Variants in PCDHGA12 observed in about 807,000 individuals in gnomAD.
PCDHGA12 encodes the protein protocadherin gamma-A12.
PCDHGA12 carries 43 observed loss-of-function variants against 61.1 expected under a neutral mutation model. That is an observed-to-expected ratio of 0.70 (90% CI 0.55 to 0.91). PCDHGA12 has a LOEUF of 0.91. Ranked by LOEUF, PCDHGA12 falls within the 40% of genes least tolerant of loss-of-function variation. The pLI is 0.00. For missense variants in PCDHGA12, 1,236 were observed against 1,227.7 expected, an observed-to-expected ratio of 1.01 and a Z score of -0.10; for synonymous variants, 520 against 542.9, an observed-to-expected ratio of 0.96 and a Z score of 0.59.
rs761264372 is a variant in PCDHGA12 at position 141,489,500 on chromosome 5, A to G, written c.2425-5307A>G. 12 of 1,614,112 alleles carry G rather than the reference A, an allele frequency of 7.4e-6. No individual in the cohort carries two copies. In the South Asian group the frequency reaches 1.3e-4, roughly 18 times the overall value. On this transcript the variant is annotated intron_variant, in intron 1 of 3. Coordinates refer to ENST00000252085, the MANE Select transcript of PCDHGA12 (RefSeq NM_003735.3). This position sits in a 1 kb window ranked among gnomAD's most constrained non-coding sequence, Gnocchi z 4.5. ...TTGATGAGTGGTGCCCTGGCAGTGA[A>G]TCAAAAGATTGACCGAGAAAGCCTA...
Position 141,477,917 on chromosome 5 carries a change from G to C in PCDHGA12, c.2425-16890G>C. 6.2e-7 allele frequency: 1 copy of C among 1,614,186 alleles called. No individual in the cohort carries two copies. The highest frequency in any genetic ancestry group is 2.2e-5 in the East Asian group (1 of 44,868). On this transcript the variant is annotated intron_variant, in intron 1 of 3. Transcript: ENST00000252085. The surrounding 1 kb of genome is among the most constrained non-coding windows in gnomAD (Gnocchi z 4.9). ...GGTGGTAGGCTGGGACGCGGATGCA[G>C]GGCACAATGCCTGGCTCTCCTACAG...
intron 3 of PCDHGA12, among the ~76,000 whole-genome samples, chr5:141,509,320 C>A (rs1261653347): frequency 6.6e-6 from 1 of 152,194 alleles, no homozygotes; most frequent in Non-Finnish European, 1.5e-5. Flanking sequence ...GGGAGAGAAG[C>A]TCTACTGCCA....
chr5:141,482,740 G>A (rs1288861437), intron 1 of PCDHGA12, among the ~76,000 whole-genome samples: 1 of 127,398 alleles, frequency 7.8e-6, no homozygotes, highest in African/African-American at 3.6e-5. Context: ...GAAATTCCAT[G>A]CAGAGGGATT....
In PCDHGA12 at chr5:141,476,762, G is replaced by A. The variant is rs1338892879; in HGVS notation, c.2425-18045G>A. The A allele has an allele frequency of 6.2e-7, 1 of 1,613,848 alleles. No individual in the cohort carries two copies. ...GCCTAGTCTCCAGTTAGTGCTGACG[G>A]CGTTGGACGGAGGGACCCCAGCTCT... On this transcript the variant is annotated intron_variant, in intron 1 of 3. Coordinates refer to ENST00000252085, the MANE Select transcript of PCDHGA12 (RefSeq NM_003735.3). The surrounding 1 kb of genome is among the most constrained non-coding windows in gnomAD (Gnocchi z 7.6).
chr5:141,432,084 T>A lies in PCDHGA12; in HGVS notation c.1325T>A (p.Val442Glu), dbSNP rs1372151428. 1.2e-6 allele frequency: 2 copies of A among 1,614,186 alleles called. No individual in the cohort carries two copies. Among genetic ancestry groups the A allele is most frequent in the Admixed American group, 1.7e-5 (1 of 60,022 alleles). Residue 442 changes from valine to glutamate, a missense_variant, in exon 1 of 4, where the codon GTG (valine) becomes GAG (glutamate). By Grantham distance (121) the Val-to-Glu change is moderately radical. Transcript: ENST00000252085. This position sits in a 1 kb window ranked among gnomAD's most constrained non-coding sequence, Gnocchi z 6.0. ...LSTETHISLN[V>E]ADTNDNPPVF... Reference sequence around the variant, plus strand: ...ACGGAAACTCATATCTCGCTGAACGTGGCAGACACCAACGACAACCCGCCG... The same window carrying A: ...ACGGAAACTCATATCTCGCTGAACGAGGCAGACACCAACGACAACCCGCCG...
intron 3 of PCDHGA12, among the ~76,000 whole-genome samples, chr5:141,509,164 C>A (rs1454864362): frequency 6.6e-6 from 1 of 152,188 alleles, no homozygotes; most frequent in Non-Finnish European, 1.5e-5. Context: ...TCCCGTGTGC[C>A]CTCCTCCTCT....
intron 1 of PCDHGA12, chr5:141,475,850 G>A (rs2099376325): frequency 1.9e-5 from 9 of 464,524 alleles, no homozygotes; most frequent in Middle Eastern, 5.9e-4. Context: ...AGAGAGCCCG[G>A]CGCTAGCTCA....
intron 1 of PCDHGA12, among the ~76,000 whole-genome samples, chr5:141,455,250 A>C (rs1016027355): frequency 2.0e-5 from 3 of 152,172 alleles, no homozygotes; most frequent in Non-Finnish European, 2.9e-5. Flanking sequence ...GTCATAGTAC[A>C]ATCGCATTTC....
At position 141,511,575 on chromosome 5, in the gene PCDHGA12, T is replaced by C. The variant is rs930675653; in HGVS notation, c.*402T>C. On this transcript the variant is annotated 3_prime_UTR_variant, in exon 4 of 4. Transcript: ENST00000252085. ...AGTTCCTCTTTCCCGAGTAAGGTGG[T>C]TGGGGTGTTGAAGTACCAAGTAACC... 28 of 287,258 alleles carry C rather than the reference T, an allele frequency of 9.7e-5. No individual in the cohort carries two copies. Among genetic ancestry groups the C allele is most frequent in the Middle Eastern group, 1.3e-3 (1 of 784 alleles). The allele number at this position is 287,258 out of a possible 1,614,324, so 17.8% of individuals were successfully genotyped here.
chr5:141,486,707 C>A lies in PCDHGA12; in HGVS notation c.2425-8100C>A, dbSNP rs1314530265. On this transcript the variant is annotated intron_variant, in intron 1 of 3. Coordinates refer to ENST00000252085, the MANE Select transcript of PCDHGA12 (RefSeq NM_003735.3). The surrounding 1 kb of genome is among the most constrained non-coding windows in gnomAD (Gnocchi z 5.0). ...AGCTTCCTCTTTCATCTCTCTGAAC[C>A]CCCAGACAGGAGCTGTTCATGCTAC... 2 of 1,614,040 alleles carry A rather than the reference C, an allele frequency of 1.2e-6. No individual in the cohort carries two copies. The highest frequency in any genetic ancestry group is 1.7e-6 in the Non-Finnish European group (2 of 1,180,038).
Position 141,492,511 on chromosome 5 carries a change from C to T in PCDHGA12, c.2425-2296C>T, listed in dbSNP as rs58889912. Among the ~76,000 whole-genome samples the T allele has an allele frequency of 1.7e-3, 262 of 152,326 alleles. 2 individuals are homozygous for T. The highest frequency in any genetic ancestry group is 6.0e-3 in the African/African-American group (249 of 41,582). On this transcript the variant is annotated intron_variant, in intron 1 of 3. Coordinates refer to ENST00000252085, the MANE Select transcript of PCDHGA12 (RefSeq NM_003735.3). Reference sequence around the variant, plus strand: ...CCAGGCGAGGACTCCGGAGCCTCCTCTCACCTCTCCCACCTGCGCCCCGGG... The same window carrying T: ...CCAGGCGAGGACTCCGGAGCCTCCTTTCACCTCTCCCACCTGCGCCCCGGG...
At chr5:141,435,112 T>A (rs906494104) in intron 1 of PCDHGA12, among the ~76,000 whole-genome samples, 1 of 152,102 alleles carries the variant, frequency 6.6e-6, no homozygotes, top group Non-Finnish European at 1.5e-5. Context: ...GGGGGAGAAA[T>A]CTAATTCAAT....
intron 1 of PCDHGA12, among the ~76,000 whole-genome samples, chr5:141,458,726 C>T (rs1301761231): frequency 1.3e-5 from 2 of 151,992 alleles, no homozygotes; most frequent in African/African-American, 4.8e-5. Flanking sequence ...TTCGCCACCA[C>T]ATCCAGCTAT....
chr5:141,487,068 T>C lies in PCDHGA12; in HGVS notation c.2425-7739T>C. ...TATGCTGGGGAGGTGCGGACGGCTG[T>C]TCCTATCCCAGCTGACCTCCCACCA... On this transcript the variant is annotated intron_variant, in intron 1 of 3. Transcript: ENST00000252085. The surrounding 1 kb of genome is among the most constrained non-coding windows in gnomAD (Gnocchi z 5.0). The C allele has an allele frequency of 6.2e-7, 1 of 1,614,166 alleles. No individual in the cohort carries two copies. The highest frequency in any genetic ancestry group is 8.5e-7 in the Non-Finnish European group (1 of 1,180,016).
intron 1 of PCDHGA12, among the ~76,000 whole-genome samples, chr5:141,492,103 T>G (rs1458656062): frequency 6.6e-6 from 1 of 152,134 alleles, no homozygotes; most frequent in Non-Finnish European, 1.5e-5. Flanking sequence ...GTCTGTAGAT[T>G]TCCTCTTCGA....
At position 141,470,874 on chromosome 5, in the gene PCDHGA12, T is replaced by G. The variant is rs146599745; in HGVS notation, c.2425-23933T>G. ...AGATAAGTTTTTTGTTTGTTTGTTT[T>G]TTTGTTTTTGTTTTTGTTTTTTGTA... On this transcript the variant is annotated intron_variant, in intron 1 of 3. Coordinates refer to ENST00000252085, the MANE Select transcript of PCDHGA12 (RefSeq NM_003735.3). 1.4e-3 allele frequency among the ~76,000 whole-genome samples: 218 copies of G among 151,820 alleles called. 1 individual carries two copies. Among genetic ancestry groups the G allele is most frequent in the Middle Eastern group, 0.01 (3 of 294 alleles).
chr5:141,506,847 T>C lies in PCDHGA12; in HGVS notation c.2572+1366T>C, dbSNP rs146737657. ...GAACTGATAGCCCTGCCCTCCAGCA[T>C]GTCTGGAGGACTGGTGGGTAGAGAA... On this transcript the variant is annotated intron_variant, in intron 3 of 3. Coordinates refer to ENST00000252085, the MANE Select transcript of PCDHGA12 (RefSeq NM_003735.3). 3.7e-3 allele frequency among the ~76,000 whole-genome samples: 564 copies of C among 152,318 alleles called. 5 individuals are homozygous for C. Among genetic ancestry groups the C allele is most frequent in the Admixed American group, 0.011 (164 of 15,302 alleles).
At chr5:141,460,159 T>A (rs1313260289) in intron 1 of PCDHGA12, among the ~76,000 whole-genome samples, 3 of 152,260 alleles carry the variant, frequency 2.0e-5, no homozygotes, top group Non-Finnish European at 1.5e-5. Context: ...CTTTGTCACA[T>A]ACATATTTTG....
intron 1 of PCDHGA12, among the ~76,000 whole-genome samples, chr5:141,459,682 A>G (rs557568098): frequency 2.4e-4 from 37 of 152,358 alleles, no homozygotes; most frequent in African/African-American, 8.2e-4. Flanking sequence ...AGCAATGCAT[A>G]AAGCGTTCCG....
Sources: allele counts gnomAD v4.1 joint callset (sites outside exome capture counted in the v4.1 genomes callset), GRCh38; gene constraint gnomAD v4.1.1; non-coding constraint Gnocchi (gnomAD v3.1); transcripts MANE v1.5; gene names NCBI Gene and HGNC (gene_info 2026-07-23, HGNC 2026-07-21).